TMEM255B: variants seen among roughly 807,000 people sequenced by gnomAD.
The protein encoded by TMEM255B is family with sequence similarity 70, member B.
A neutral mutation model predicts 34.5 loss-of-function variants in TMEM255B; 35 were observed. The observed-to-expected ratio is 1.01, with a 90% confidence interval of 0.77 to 1.34. TMEM255B has a LOEUF of 1.34. Ranked by LOEUF, TMEM255B falls within the 40% of genes most tolerant of loss-of-function variation. The pLI, the probability that TMEM255B is intolerant of heterozygous loss-of-function variation, is 0.00. For synonymous variants in TMEM255B, 206 were observed against 201.2 expected (o/e 1.02, Z -0.20); for missense variants, 432 against 433.2 (o/e 1.00, Z 0.02).
At chr13:113,782,436 C>T (rs1204158948) in intron 3 of TMEM255B, among the ~76,000 whole-genome samples, 1 of 152,172 alleles carries the variant, frequency 6.6e-6, no homozygotes, top group African/African-American at 2.4e-5. Context: ...AATCACTTGC[C>T]TAGATCATTT....
Position 113,808,774 on chromosome 13 carries a change from G to A in TMEM255B, c.814-2962G>A, listed in dbSNP as rs547070760. 2.9e-4 allele frequency among the ~76,000 whole-genome samples: 27 copies of A among 93,714 alleles called. No homozygotes were observed. The Admixed American group carries it at 3.6e-3, about 13-fold the overall frequency. The allele number at this position is 93,714 out of a possible 152,430, so 61.5% of individuals were successfully genotyped here. A position where few individuals can be genotyped will look rare whatever the true frequency, so the allele number is the denominator to read the frequency against. ...GGGTTTAACTCTGTGGTTTCTGGCGGTGTAACTCTGTGGTTCCTGGGGGGG... is the reference window on the plus strand; with the variant it reads ...GGGTTTAACTCTGTGGTTTCTGGCGATGTAACTCTGTGGTTCCTGGGGGGG... On this transcript the variant is annotated intron_variant, in intron 8 of 8. Transcript: ENST00000375353.
Position 113,788,749 on chromosome 13 carries a change from G to A in TMEM255B, c.253-6399G>A, listed in dbSNP as rs115769364. Among the ~76,000 whole-genome samples, 915 of 152,094 alleles carry A rather than the reference G, an allele frequency of 6.0e-3. 10 individuals carry two copies. The highest frequency in any genetic ancestry group is 0.021 in the African/African-American group (879 of 41,474). On this transcript the variant is annotated intron_variant, in intron 3 of 8. Transcript: ENST00000375353. ...CACACTCGACCTGTGTACTCCACTC[G>A]CGCTTCTGGCCCTCACCATCGCCGT...
chr13:113,797,222 G>A (rs1440185245), intron 4 of TMEM255B, among the ~76,000 whole-genome samples: 2 of 152,368 alleles, frequency 1.3e-5, no homozygotes, highest in East Asian at 1.9e-4. Context: ...AAACAAAGCA[G>A]GGCCCCTGGC....
chr13:113,807,669 C>T (rs1476209375), intron 8 of TMEM255B, among the ~76,000 whole-genome samples: 36 of 79,424 alleles, frequency 4.5e-4, no homozygotes, highest in East Asian at 1.1e-3. Context: ...ATGTGGGGGG[C>T]GGTCCTCCCC....
chr13:113,789,951 C>G (rs1030075287), intron 3 of TMEM255B, among the ~76,000 whole-genome samples: 1 of 150,932 alleles, frequency 6.6e-6, no homozygotes, highest in East Asian at 2.0e-4. Context: ...CTGAACTGAC[C>G]GGGCATGTGG....
In TMEM255B at chr13:113,814,749, T is replaced by G. The variant is rs2051384131; in HGVS notation, c.*2846T>G. The G allele has an allele frequency of 1.3e-5, 2 of 151,488 alleles. No homozygotes were observed. Among genetic ancestry groups the G allele is most frequent in the Non-Finnish European group, 2.9e-5 (2 of 67,932 alleles). The allele number at this position is 151,488 out of a possible 1,614,324, so 9.4% of individuals were successfully genotyped here. ...CCGCTGGGGCCTTCTGATCCCAGCC[T>G]CCTCTGCAGGGATGGGCTCCCAATC... On this transcript the variant is annotated 3_prime_UTR_variant, in exon 9 of 9. Coordinates refer to ENST00000375353, the MANE Select transcript of TMEM255B (RefSeq NM_182614.4).
intron 1 of TMEM255B, among the ~76,000 whole-genome samples, chr13:113,764,139 G>GACA (rs1398449102): frequency 2.0e-5 from 3 of 151,886 alleles, no homozygotes; most frequent in Non-Finnish European, 4.4e-5. Context: ...CGGGGCGTGG[G>GACA]CGTGGGACAC....
Position 113,770,809 on chromosome 13 carries a change from T to C in TMEM255B, c.252+1649T>C, listed in dbSNP as rs978492063. Among the ~76,000 whole-genome samples the C allele has an allele frequency of 2.6e-5, 4 of 152,050 alleles. No individual in the cohort carries two copies. Among genetic ancestry groups the C allele is most frequent in the Admixed American group, 2.0e-4 (3 of 15,260 alleles). The stretch of plus-strand genomic sequence containing the variant: ...CCCCCATGATGGTCTCTAGACAGCA[T>C]CTCTTCAGAGTCTGGAGCTGCTTGG... On this transcript the variant is annotated intron_variant, in intron 3 of 8. Transcript: ENST00000375353. The surrounding 1 kb of genome is among the most constrained non-coding windows in gnomAD (Gnocchi z 4.6).
At chr13:113,766,005 A>G (rs914792060) in intron 1 of TMEM255B, 110 bp from the exon 2 acceptor site, 3 of 1,435,620 alleles carry the variant, frequency 2.1e-6, no homozygotes, top group Non-Finnish European at 2.8e-6. Context: ...GCAGGCGGGG[A>G]TAGTGCATCC....
chr13:113,759,882 C>G (rs913957573), intron 1 of TMEM255B, among the ~76,000 whole-genome samples: 1 of 152,166 alleles, frequency 6.6e-6, no homozygotes, highest in African/African-American at 2.4e-5. Context: ...CTTCCACTTC[C>G]CAGACCAAGC....
chr13:113,766,150 T>G lies in TMEM255B; in HGVS notation c.82T>G (p.Phe28Val), dbSNP rs1343904604. Residue 28 changes from phenylalanine to valine, a missense_variant, in exon 2 of 9, where the codon TTT becomes GTT. Physicochemically the swap from Phe to Val is conservative, Grantham distance 50. Transcript: ENST00000375353. ...GAGGAGGAAGAAGACGTCGCTCTGGTTTGTGGGGTCTCTGCTGCTGGTGTC... is the reference window on the plus strand; with the variant it reads ...GAGGAGGAAGAAGACGTCGCTCTGGGTTGTGGGGTCTCTGCTGCTGGTGTC... ...LSRRKKTSLW[F>V]VGSLLLVSVL... The G allele has an allele frequency of 6.2e-7, 1 of 1,614,124 alleles. No individual in the cohort carries two copies. The highest frequency in any genetic ancestry group is 2.2e-5 in the East Asian group (1 of 44,876).
chr13:113,801,592 G>A, intron 6 of TMEM255B, 61 bp from the exon 7 acceptor site: 1 of 1,524,218 alleles, frequency 6.6e-7, no homozygotes, highest in Non-Finnish European at 8.8e-7. Context: ...GAGGACACAA[G>A]TTTAACTTGC....
At chr13:113,805,172 C>A (rs1003519917) in intron 8 of TMEM255B, 144 bp downstream of exon 8, 1 of 1,107,788 alleles carries the variant, frequency 9.0e-7, no homozygotes, top group Non-Finnish European at 1.2e-6. Context: ...GCAGTGACAA[C>A]CCTGCCGTCA....
intron 2 of TMEM255B, 75 bp downstream of exon 2, chr13:113,766,332 C>T (rs1191028878): frequency 6.3e-7 from 1 of 1,599,812 alleles, no homozygotes; most frequent in Admixed American, 1.7e-5. Context: ...GGAGTCCACG[C>T]CAGCTCACAG....
intron 1 of TMEM255B, 108 bp from the exon 2 acceptor site, chr13:113,766,007 A>C: frequency 7.0e-7 from 1 of 1,436,942 alleles, no homozygotes; most frequent in Admixed American, 1.9e-5. Context: ...AGGCGGGGAT[A>C]GTGCATCCCA....
chr13:113,805,973 C>T (rs751245511), intron 8 of TMEM255B, among the ~76,000 whole-genome samples: 4 of 152,178 alleles, frequency 2.6e-5, no homozygotes, highest in African/African-American at 9.7e-5. Context: ...AAGCAGGCAC[C>T]GTGATGTGTT....
At chr13:113,773,355 T>G (rs1035506156) in intron 3 of TMEM255B, among the ~76,000 whole-genome samples, 6 of 152,386 alleles carry the variant, frequency 3.9e-5, no homozygotes, top group African/African-American at 1.4e-4. Context: ...TCAGGATTTT[T>G]TAATCTACTG....
chr13:113,799,131 C>T (rs988002596), intron 4 of TMEM255B, among the ~76,000 whole-genome samples: 79 of 152,344 alleles, frequency 5.2e-4, no homozygotes, highest in African/African-American at 1.9e-3. Flanking sequence ...GGGCTTTCTG[C>T]TGTCTGGCCT....
intron 3 of TMEM255B, among the ~76,000 whole-genome samples, chr13:113,776,023 C>T (rs2050571679): frequency 6.6e-6 from 1 of 152,234 alleles, no homozygotes; most frequent in Admixed American, 6.5e-5. Context: ...GCCGCCCCTC[C>T]TGGACCGTGG....
Sources: gnomAD v4.1 joint callset for allele counts (sites outside exome capture counted in the v4.1 genomes callset) on GRCh38, gnomAD v4.1.1 for gene constraint, Gnocchi (gnomAD v3.1) non-coding constraint, MANE v1.5 for transcripts, NCBI Gene and HGNC (gene_info 2026-07-23, HGNC 2026-07-21) for gene names.